GPC5: variants seen among roughly 807,000 people sequenced by gnomAD.
GPC5 encodes the protein glypican-5.
GPC5 carries 47 observed loss-of-function variants against 53.9 expected under a neutral mutation model. The observed-to-expected ratio is 0.87, with a 90% CI of 0.69 to 1.11. The LOEUF is 1.11. GPC5 is among the 50% of genes most tolerant of loss of function. The pLI, the probability that GPC5 is intolerant of heterozygous loss-of-function variation, is 0.00. For synonymous variants in GPC5, 286 were observed against 263.3 expected (o/e 1.09, Z -0.84); for missense variants, 748 against 713.1 (o/e 1.05, Z -0.56).
chr13:92,281,774 A>G (rs144020997), intron 7 of GPC5, among the ~76,000 whole-genome samples: 1 of 152,318 alleles, frequency 6.6e-6, no homozygotes, highest in Non-Finnish European at 1.5e-5. Context: ...GACCAAAGGT[A>G]GATAAAACCG....
At chr13:92,559,721 C>A (rs562658382) in intron 7 of GPC5, among the ~76,000 whole-genome samples, 2 of 151,838 alleles carry the variant, frequency 1.3e-5, no homozygotes, top group African/African-American at 4.8e-5. Context: ...CAAATAAAGG[C>A]TTGGCCTAAA....
At position 91,789,630 on chromosome 13, in the gene GPC5, G is replaced by T. The variant is rs1251513147; in HGVS notation, c.1280+33210G>T. Among the ~76,000 whole-genome samples the T allele has an allele frequency of 3.9e-5, 6 of 152,074 alleles. No homozygotes were observed. The East Asian group carries it at 1.2e-3, about 29-fold the overall frequency. On this transcript the variant is annotated intron_variant, in intron 5 of 7. Transcript: ENST00000377067. ...GCAAAACATTGAGGTAAAAATGCAC[G>T]CTGACTTTCTACTATACAGACAATG...
At chr13:92,506,221 G>A (rs1220739308) in intron 7 of GPC5, among the ~76,000 whole-genome samples, 1 of 151,994 alleles carries the variant, frequency 6.6e-6, no homozygotes, top group Admixed American at 6.6e-5. Flanking sequence ...GCAAAATAAA[G>A]GCTGTCTCTG....
At chr13:92,696,289 G>C (rs773605196) in intron 7 of GPC5, among the ~76,000 whole-genome samples, 42 of 151,060 alleles carry the variant, frequency 2.8e-4, no homozygotes, top group Non-Finnish European at 6.0e-4. Flanking sequence ...TTCCACAATG[G>C]TGCAATAATT....
intron 6 of GPC5, among the ~76,000 whole-genome samples, chr13:91,960,186 C>A (rs2040114068): frequency 6.6e-6 from 1 of 150,758 alleles, no homozygotes; most frequent in Admixed American, 6.6e-5. Flanking sequence ...AAACTAAAAA[C>A]TTCACCAAAA....
chr13:92,650,525 T>C (rs1382391831), intron 7 of GPC5, among the ~76,000 whole-genome samples: 1 of 152,162 alleles, frequency 6.6e-6, no homozygotes, highest in Non-Finnish European at 1.5e-5. Flanking sequence ...AGGCATCAAT[T>C]GTAAATCAGT....
At chr13:91,438,720 T>C (rs960108150) in intron 1 of GPC5, among the ~76,000 whole-genome samples, 1 of 152,198 alleles carries the variant, frequency 6.6e-6, no homozygotes, top group African/African-American at 2.4e-5. Flanking sequence ...CTGCAGAGGA[T>C]TCTGCGCCTT....
At chr13:91,812,856 G>T (rs1401874196) in intron 5 of GPC5, among the ~76,000 whole-genome samples, 2 of 152,112 alleles carry the variant, frequency 1.3e-5, no homozygotes, top group Admixed American at 6.6e-5. Flanking sequence ...GAAAGCTCTC[G>T]CTTTTTCTAC....
intron 7 of GPC5, among the ~76,000 whole-genome samples, chr13:92,848,839 T>A (rs1878696424): frequency 6.6e-6 from 1 of 152,200 alleles, no homozygotes; most frequent in African/African-American, 2.4e-5. Flanking sequence ...TGCATTATCA[T>A]ATGTCACATG....
At chr13:92,347,024 A>T (rs1232161642) in intron 7 of GPC5, among the ~76,000 whole-genome samples, 1 of 152,160 alleles carries the variant, frequency 6.6e-6, no homozygotes, top group Non-Finnish European at 1.5e-5. Context: ...AAAAAATGTA[A>T]CGAAATCCTA....
intron 7 of GPC5, among the ~76,000 whole-genome samples, chr13:92,756,268 C>G (rs991650063): frequency 2.0e-5 from 3 of 151,892 alleles, no homozygotes; most frequent in Non-Finnish European, 4.4e-5. Flanking sequence ...AGGCCTTTGA[C>G]AAAATTCAAC....
rs546905889 is a variant in GPC5 at position 92,476,044 on chromosome 13, G to A, written c.1561+331055G>A. On this transcript the variant is annotated intron_variant, in intron 7 of 7. Coordinates refer to ENST00000377067, the MANE Select transcript of GPC5 (RefSeq NM_004466.6). ...CAACAAAAGACAAAATTGAGAAATG[G>A]GATCTAATTAAACTAAAGAGCTTCT... is the stretch of plus-strand genomic sequence containing the variant. 5.0e-3 allele frequency among the ~76,000 whole-genome samples: 761 copies of A among 152,150 alleles called. 5 individuals are homozygous for A. The highest frequency in any genetic ancestry group is 0.018 in the African/African-American group (732 of 41,494).
intron 7 of GPC5, among the ~76,000 whole-genome samples, chr13:92,691,103 A>G (rs1351118985): frequency 1.1e-5 from 1 of 91,916 alleles, no homozygotes; most frequent in Non-Finnish European, 2.0e-5. Context: ...ACCCAGTTCG[A>G]GCTTCCAGGC....
intron 5 of GPC5, among the ~76,000 whole-genome samples, chr13:91,817,683 G>T (rs184812778): frequency 1.3e-5 from 2 of 152,166 alleles, no homozygotes; most frequent in Admixed American, 1.3e-4. Flanking sequence ...GTTGAAAAAG[G>T]GTCAAGATGA....
intron 7 of GPC5, among the ~76,000 whole-genome samples, chr13:92,404,217 T>C (rs1411433662): frequency 6.6e-6 from 1 of 152,198 alleles, no homozygotes; most frequent in East Asian, 1.9e-4. Context: ...ACCTTATTTT[T>C]TGCCTTTTGA....
intron 7 of GPC5, among the ~76,000 whole-genome samples, chr13:92,215,198 CAA>C (rs1377403672): frequency 6.6e-6 from 1 of 152,082 alleles, no homozygotes; most frequent in African/African-American, 2.4e-5. Context: ...CAGAGTGAAA[CAA>C]AAACAGAAAC....
rs146525444 is a variant in GPC5 at position 91,852,307 on chromosome 13, G to A, written c.1281-55630G>A. Among the ~76,000 whole-genome samples, 861 of 151,804 alleles carry A rather than the reference G, an allele frequency of 5.7e-3. 8 individuals carry two copies. Among genetic ancestry groups the A allele is most frequent in the African/African-American group, 0.019 (789 of 41,372 alleles). The stretch of plus-strand genomic sequence containing the variant: ...CACACATTAGCCTAGGCCTACACAC[G>A]GTCAGGATCATCAATATCACCGTCT... On this transcript the variant is annotated intron_variant, in intron 5 of 7. Transcript: ENST00000377067.
At chr13:92,706,439 GA>G (rs1887954385) in intron 7 of GPC5, among the ~76,000 whole-genome samples, 1 of 151,770 alleles carries the variant, frequency 6.6e-6, no homozygotes, top group Non-Finnish European at 1.5e-5. Flanking sequence ...TTTTCCACCA[GA>G]AAAAAAGTTT....
Position 91,589,809 on chromosome 13 carries a change from C to T in GPC5, c.326-103378C>T, listed in dbSNP as rs529774799. Among the ~76,000 whole-genome samples the T allele has an allele frequency of 1.7e-3, 253 of 152,040 alleles. 1 individual carries two copies. The highest frequency in any genetic ancestry group is 5.8e-3 in the African/African-American group (241 of 41,466). ...AATTTGAATATGTGTATAAATAATG[C>T]GTGATTAGACTCAAAGATGTAGGGA... On this transcript the variant is annotated intron_variant, in intron 2 of 7. Coordinates refer to ENST00000377067, the MANE Select transcript of GPC5 (RefSeq NM_004466.6).
Sources: allele counts gnomAD v4.1 joint callset (sites outside exome capture counted in the v4.1 genomes callset), GRCh38; gene constraint gnomAD v4.1.1; transcripts MANE v1.5; gene names NCBI Gene and HGNC (gene_info 2026-07-23, HGNC 2026-07-21).